Variants in SLC25A48 observed in about 807,000 individuals in gnomAD.
SLC25A48 encodes the protein solute carrier family 25 member 48, also known as CTC-321K16.1.
SLC25A48 carries 29 observed loss-of-function variants against 32.2 expected under a neutral mutation model. The ratio of observed to expected loss-of-function variants is 0.90; its 90% CI spans 0.67 to 1.23. SLC25A48 has a LOEUF of 1.23. Ranked by LOEUF, SLC25A48 falls within the 50% of genes most tolerant of loss-of-function variation. The pLI, the probability that SLC25A48 is intolerant of heterozygous loss-of-function variation, is 0.00. For synonymous variants in SLC25A48, 164 were observed against 172.3 expected, an observed-to-expected ratio of 0.95 and a Z score of 0.38; for missense variants, 399 against 422.7, an observed-to-expected ratio of 0.94 and a Z score of 0.49.
intron 3 of SLC25A48, among the ~76,000 whole-genome samples, chr5:135,721,193 T>G (rs75610694): frequency 4.5e-5 from 2 of 44,932 alleles, no homozygotes; most frequent in Non-Finnish European, 1.1e-4. Context: ...ATGCCTGGCC[T>G]TTTTTTTTTT....
chr5:135,715,566 G>A (rs1017115245), intron 3 of SLC25A48, among the ~76,000 whole-genome samples: 5 of 152,240 alleles, frequency 3.3e-5, no homozygotes, highest in African/African-American at 9.6e-5. Context: ...CGGGTTGGGA[G>A]GCTGTGACCG....
intron 3 of SLC25A48, 89 bp downstream of exon 3, chr5:135,850,585 T>TG: frequency 8.2e-7 from 1 of 1,223,080 alleles, no homozygotes; most frequent in Non-Finnish European, 1.2e-6. Flanking sequence ...AGCATGCAGG[T>TG]GGGGGCCTCT....
chr5:135,843,896 A>G (rs1215967563), intron 2 of SLC25A48, among the ~76,000 whole-genome samples: 1 of 152,140 alleles, frequency 6.6e-6, no homozygotes, highest in Non-Finnish European at 1.5e-5. Flanking sequence ...GCCTCCTGCC[A>G]GCCCTGCACA....
intron 2 of SLC25A48, among the ~76,000 whole-genome samples, chr5:135,845,705 G>A (rs1224383333): frequency 6.6e-6 from 1 of 152,210 alleles, no homozygotes; most frequent in Non-Finnish European, 1.5e-5. Flanking sequence ...AGGTACTGAG[G>A]ATACAGCAAT....
intron 3 of SLC25A48, among the ~76,000 whole-genome samples, chr5:135,695,427 G>T (rs1163920620): frequency 6.6e-6 from 1 of 152,244 alleles, no homozygotes; most frequent in African/African-American, 2.4e-5. Context: ...AATTTGCTGG[G>T]TTTCCTGGGA....
chr5:135,855,571 A>G (rs886402377), intron 4 of SLC25A48, among the ~76,000 whole-genome samples: 1 of 152,206 alleles, frequency 6.6e-6, no homozygotes, highest in Non-Finnish European at 1.5e-5. Flanking sequence ...AGAGTGAGGC[A>G]TGGGAGGTTT....
chr5:135,821,875 T>C (rs1757895896), intron 4 of SLC25A48: 1 of 152,202 alleles, frequency 6.6e-6, no homozygotes, highest in Non-Finnish European at 1.5e-5. Flanking sequence ...ACAATTAGGC[T>C]TCATCATGTC....
chr5:135,652,586 T>C (rs1024409086), intron 3 of SLC25A48: 2 of 370,576 alleles, frequency 5.4e-6, no homozygotes, highest in African/African-American at 2.1e-5. Flanking sequence ...GAAGACTCAG[T>C]TGGAGCACCA....
At chr5:135,835,669 T>A (rs1354863943) in intron 1 of SLC25A48, among the ~76,000 whole-genome samples, 23 of 130,970 alleles carry the variant, frequency 1.8e-4, no homozygotes, top group African/African-American at 6.6e-4. Flanking sequence ...TGAGGGACTT[T>A]GCTAATTGTA....
chr5:135,754,075 C>T (rs1755835965), intron 3 of SLC25A48, among the ~76,000 whole-genome samples: 1 of 151,876 alleles, frequency 6.6e-6, no homozygotes. Flanking sequence ...ACAGGGTGTA[C>T]ACCCACTGTG....
chr5:135,851,571 C>CGT (rs147319534), intron 3 of SLC25A48, among the ~76,000 whole-genome samples: 6 of 148,002 alleles, frequency 4.1e-5, no homozygotes, highest in Admixed American at 6.8e-5. Context: ...GGTGTGTTCA[C>CGT]GTGTGTGTGT....
At chr5:135,628,997 C>G (rs909816880) in intron 1 of SLC25A48, among the ~76,000 whole-genome samples, 4 of 152,184 alleles carry the variant, frequency 2.6e-5, no homozygotes, top group Admixed American at 6.5e-5. Context: ...GAAGCTGCAG[C>G]TGGTGCTAGG....
chr5:135,751,963 A>C (rs1352532726), intron 3 of SLC25A48, among the ~76,000 whole-genome samples: 3 of 152,214 alleles, frequency 2.0e-5, no homozygotes, highest in Non-Finnish European at 4.4e-5. Flanking sequence ...TGGATATCCA[A>C]ACAGAAAAAA....
chr5:135,672,053 A>G (rs1435653212), intron 3 of SLC25A48, among the ~76,000 whole-genome samples: 2 of 152,184 alleles, frequency 1.3e-5, no homozygotes, highest in African/African-American at 4.8e-5. Flanking sequence ...TTTCAAACCA[A>G]AATTGGAACA....
chr5:135,696,428 G>A (rs1320715577), intron 3 of SLC25A48, among the ~76,000 whole-genome samples: 1 of 152,246 alleles, frequency 6.6e-6, no homozygotes, highest in Non-Finnish European at 1.5e-5. Context: ...CACAGTAGGT[G>A]TGAAGGAAGA....
intron 3 of SLC25A48, among the ~76,000 whole-genome samples, chr5:135,804,117 A>G (rs950664354): frequency 1.1e-4 from 16 of 151,574 alleles, no homozygotes; most frequent in African/African-American, 3.6e-4. Flanking sequence ...TAAGAGTACT[A>G]TCTCCCTATG....
At chr5:135,587,075 G>A (rs576694526) in intron 1 of SLC25A48, among the ~76,000 whole-genome samples, 5 of 152,126 alleles carry the variant, frequency 3.3e-5, no homozygotes, top group Non-Finnish European at 7.4e-5. Context: ...CTGTCACTCA[G>A]GTTGGAGTGC....
chr5:135,766,341 G>T (rs1756227268), intron 3 of SLC25A48, among the ~76,000 whole-genome samples: 1 of 101,212 alleles, frequency 9.9e-6, no homozygotes, highest in Admixed American at 1.0e-4. Context: ...CTGTAATATG[G>T]TTTGTAATAT....
At chr5:135,699,632 G>A (rs1166181889) in intron 3 of SLC25A48, among the ~76,000 whole-genome samples, 1 of 152,216 alleles carries the variant, frequency 6.6e-6, no homozygotes, top group African/African-American at 2.4e-5. Context: ...CGTGAGATCT[G>A]TGCATTTTAT....
Sources: gnomAD v4.1 joint callset for allele counts (sites outside exome capture counted in the v4.1 genomes callset) on GRCh38, gnomAD v4.1.1 for gene constraint, MANE v1.5 for transcripts, NCBI Gene and HGNC (gene_info 2026-07-23, HGNC 2026-07-21) for gene names.